Variants in FMR1NB observed in about 807,000 individuals in gnomAD.
FMR1NB encodes FMR1 neighbor protein.
In FMR1NB, 10 loss-of-function variants were observed where a neutral mutation model predicts 16.8. The observed-to-expected ratio is 0.60, with a 90% CI of 0.37 to 1.01. The LOEUF (loss-of-function observed/expected upper bound fraction) is 1.01, where lower values mean the gene tolerates loss of function less well. FMR1NB is among the 50% of genes least tolerant of loss of function. The pLI, the probability that FMR1NB is intolerant of heterozygous loss-of-function variation, is 0.01. For synonymous variants in FMR1NB, 83 were observed against 79.1 expected (o/e 1.05, Z -0.26); for missense variants, 205 against 204.8 (o/e 1.00, Z 0.00).
At chrX:148,007,351 G>A (rs2044601971) in intron 3 of FMR1NB, among the ~76,000 whole-genome samples, 1 of 112,074 alleles carries the variant, frequency 8.9e-6, no homozygotes. Flanking sequence ...CAGTGGTGAC[G>A]TGATCACAGC....
chrX:147,999,042 A>T (rs1557188433), intron 1 of FMR1NB, among the ~76,000 whole-genome samples: 8 of 111,897 alleles, frequency 7.1e-5, no homozygotes, highest in Non-Finnish European at 1.5e-4. Context: ...TCTATATGCC[A>T]GAAACTTGGA....
At chrX:148,002,753 C>T in intron 1 of FMR1NB, among the ~76,000 whole-genome samples, 1 of 112,184 alleles carries the variant, frequency 8.9e-6, no homozygotes, top group Non-Finnish European at 1.9e-5. Context: ...AAAACCAGTT[C>T]TTTAAAATAG....
rs1179601803 is a variant in FMR1NB, at chrX:148,001,716, C to T, written c.278-1485C>T. The stretch of plus-strand genomic sequence containing the variant: ...AGTGAGCTGAGATTGCGCCATTGCA[C>T]TCCAGCCTGGGCAACAGAGCGATAC... On this transcript the variant is annotated intron_variant, in intron 1 of 5. Transcript: ENST00000370467. Among the ~76,000 whole-genome samples, 3 of 109,566 alleles carry T rather than the reference C, an allele frequency of 2.7e-5. No homozygotes were observed. The Admixed American group carries it at 3.0e-4, about 11-fold the overall frequency.
chrX:148,023,248 G>A (rs1188453637), intron 4 of FMR1NB, among the ~76,000 whole-genome samples: 1 of 111,313 alleles, frequency 9.0e-6, no homozygotes, highest in African/African-American at 3.3e-5. Context: ...TTTTTAGACT[G>A]TAGGTAACAA....
chrX:147,996,395 G>A (rs1364775980), intron 1 of FMR1NB, among the ~76,000 whole-genome samples: 5 of 111,343 alleles, frequency 4.5e-5, no homozygotes, highest in Non-Finnish European at 9.4e-5. Flanking sequence ...TCACCACCTA[G>A]TATGTGGCAG....
chrX:148,005,729 G>T (rs1192448695), intron 2 of FMR1NB, among the ~76,000 whole-genome samples: 1 of 111,786 alleles, frequency 8.9e-6, no homozygotes, highest in African/African-American at 3.2e-5. Context: ...CCAAACAGGT[G>T]CCTAAATAAT....
chrX:148,002,900 T>C (rs113403545), intron 1 of FMR1NB, among the ~76,000 whole-genome samples: 9 of 112,419 alleles, frequency 8.0e-5, no homozygotes, highest in African/African-American at 2.6e-4. Context: ...TTTCAGCTCA[T>C]CAGTTGATTA....
intron 1 of FMR1NB, among the ~76,000 whole-genome samples, chrX:147,997,897 C>T (rs2044550486): frequency 8.9e-6 from 1 of 112,449 alleles, no homozygotes; most frequent in Admixed American, 9.4e-5. Context: ...ATAAAAACCA[C>T]AATGAGATAC....
In FMR1NB at chrX:148,024,915, T is replaced by C. The variant is rs1557190887; in HGVS notation, c.683T>C (p.Leu228Ser). 1 of 1,209,353 alleles carries C rather than the reference T, an allele frequency of 8.3e-7. No homozygotes were observed. Among genetic ancestry groups the C allele is most frequent in the African/African-American group, 1.8e-5 (1 of 57,106 alleles). Residue 228 changes from leucine to serine, a missense_variant, in exon 5 of 6, where the codon TTG becomes TCG. Physicochemically the swap from Leu to Ser is moderately radical, Grantham distance 145. Transcript: ENST00000370467. ...QRQDNRVVTG[L>S]KKQRRKRKRK... is the part of the protein sequence containing the mutation. ...CAGGACAACAGAGTTGTAACGGGTT[T>C]GAAGAAACAAAGAAGGAAGCGAAAG... is the stretch of plus-strand genomic sequence containing the variant.
At chrX:148,003,429 G>C in intron 2 of FMR1NB, 109 bp downstream of exon 2, 1 of 865,917 alleles carries the variant, frequency 1.2e-6, no homozygotes, top group Non-Finnish European at 1.6e-6. Flanking sequence ...GGACAGAGCT[G>C]AGTTTGAATC....
chrX:147,986,769 G>A (rs1260237387), intron 1 of FMR1NB, among the ~76,000 whole-genome samples: 1 of 111,577 alleles, frequency 9.0e-6, no homozygotes, highest in African/African-American at 3.3e-5. Flanking sequence ...CTCCAGCTTT[G>A]TTCTTTTTGC....
intron 4 of FMR1NB, among the ~76,000 whole-genome samples, chrX:148,021,270 A>G (rs1298895018): frequency 2.7e-5 from 3 of 111,132 alleles, no homozygotes; most frequent in African/African-American, 9.8e-5. Flanking sequence ...CTGCTGGGGG[A>G]TAGGGGAGAG....
intron 1 of FMR1NB, among the ~76,000 whole-genome samples, chrX:147,988,945 T>G (rs2044490231): frequency 9.0e-6 from 1 of 111,604 alleles, no homozygotes; most frequent in Non-Finnish European, 1.9e-5. Flanking sequence ...TTGCATTAGA[T>G]TAGAACATGC....
chrX:148,023,558 G>A (rs1033670364), intron 4 of FMR1NB, among the ~76,000 whole-genome samples: 7 of 111,523 alleles, frequency 6.3e-5, no homozygotes, highest in African/African-American at 2.3e-4. Context: ...ACAAGGTCCT[G>A]GTATCTTCTT....
At chrX:147,984,561 C>T (rs966673495) in intron 1 of FMR1NB, among the ~76,000 whole-genome samples, 7 of 111,850 alleles carry the variant, frequency 6.3e-5, no homozygotes, top group Admixed American at 1.9e-4. Context: ...CTGTTGGTCT[C>T]GTACCCTGTA....
At chrX:148,003,865 C>T in intron 2 of FMR1NB, among the ~76,000 whole-genome samples, 1 of 111,570 alleles carries the variant, frequency 9.0e-6, no homozygotes, top group Non-Finnish European at 1.9e-5. Flanking sequence ...CAAATAAACA[C>T]GTTTCATTTT....
chrX:148,014,952 C>G (rs1392148203), intron 4 of FMR1NB, among the ~76,000 whole-genome samples: 1 of 111,773 alleles, frequency 8.9e-6, no homozygotes, highest in Non-Finnish European at 1.9e-5. Context: ...GCCCGTGGGT[C>G]CTGGGCTTTT....
Position 148,024,989 on chromosome X carries a change from G to A in FMR1NB, c.757G>A (p.Gly253Ser). ...AGCAGCAAGAGGACGTGAGGAACAT[G>A]GTGACGAGTAGCAAGAGACCAAAGG... is the stretch of plus-strand genomic sequence containing the variant. ...QKAARGREEHGDE is the reference protein window; with the variant it reads ...QKAARGREEHSDE The change falls in exon 5 of 6, where the codon GGT becomes AGT. Residue 253 changes from glycine (G) to serine (S), a missense_variant. Coordinates refer to ENST00000370467, the MANE Select transcript of FMR1NB (RefSeq NM_152578.3). 1 of 1,210,235 alleles carries A rather than the reference G, an allele frequency of 8.3e-7. No individual in the cohort carries two copies. The highest frequency in any genetic ancestry group is 1.1e-6 in the Non-Finnish European group (1 of 894,615).
intron 2 of FMR1NB, among the ~76,000 whole-genome samples, chrX:148,005,841 A>T (rs1212983359): frequency 8.9e-6 from 1 of 112,247 alleles, no homozygotes; most frequent in African/African-American, 3.2e-5. Flanking sequence ...TAAAACAATT[A>T]CGTTGTTCTT....
Sources: allele counts gnomAD v4.1 joint callset (sites outside exome capture counted in the v4.1 genomes callset), GRCh38; gene constraint gnomAD v4.1.1; transcripts MANE v1.5; gene names NCBI Gene and HGNC (gene_info 2026-07-23, HGNC 2026-07-21).